MYH15: variants seen among roughly 807,000 people sequenced by gnomAD.
The protein encoded by MYH15 is myosin heavy chain 15.
Under a neutral mutation model 240.5 loss-of-function variants are expected in MYH15, and 227 were observed. The ratio of observed to expected loss-of-function variants is 0.94; its 90% CI spans 0.85 to 1.05. The LOEUF is 1.05. Among genes scored for constraint, MYH15 ranks in the 50% least tolerant of loss-of-function variants. MYH15 has a pLI of 0.00. For synonymous variants in MYH15, 785 were observed against 796.7 expected, an observed-to-expected ratio of 0.99 and a Z score of 0.25; for missense variants, 2,217 against 2,247.5, an observed-to-expected ratio of 0.99 and a Z score of 0.27.
chr3:108,442,410 A>G (rs2082892095), intron 22 of MYH15, among the ~76,000 whole-genome samples: 1 of 152,232 alleles, frequency 6.6e-6, no homozygotes, highest in African/African-American at 2.4e-5. Flanking sequence ...AAGAAGTATC[A>G]GGACATTTAG....
chr3:108,407,759 A>G (rs1419315526), intron 32 of MYH15, among the ~76,000 whole-genome samples: 1 of 152,208 alleles, frequency 6.6e-6, no homozygotes, highest in East Asian at 1.9e-4. Flanking sequence ...AGCTATGAGA[A>G]TATTTATTCA....
chr3:108,494,310 A>G (rs2083375587), intron 7 of MYH15, among the ~76,000 whole-genome samples: 2 of 152,224 alleles, frequency 1.3e-5, no homozygotes, highest in South Asian at 4.1e-4. Context: ...CATATACAGA[A>G]GTATATGTAT....
At chr3:108,448,756 G>GT (rs79868035) in intron 21 of MYH15, among the ~76,000 whole-genome samples, 12,210 of 151,796 alleles carry the variant, frequency 0.08, 1,266 homozygotes, top group East Asian at 0.53. Context: ...ACTCTCAATA[G>GT]TTTTTTTCAA....
chr3:108,439,646 T>C (rs1240629023), intron 24 of MYH15, 91 bp downstream of exon 24: 3 of 1,188,356 alleles, frequency 2.5e-6, no homozygotes, highest in Non-Finnish European at 3.4e-6. Flanking sequence ...TAGGTTTTTC[T>C]GAAACTGTCA....
At chr3:108,480,361 G>T (rs2083257175) in intron 11 of MYH15, among the ~76,000 whole-genome samples, 1 of 152,190 alleles carries the variant, frequency 6.6e-6, no homozygotes, top group Non-Finnish European at 1.5e-5. Flanking sequence ...AACCCAGAGG[G>T]ACTGGACTAC....
At chr3:108,411,021 G>A in intron 30 of MYH15, 89 bp from the exon 31 acceptor site, 1 of 1,149,994 alleles carries the variant, frequency 8.7e-7, no homozygotes. Flanking sequence ...TAGAGCTTGG[G>A]TGCAAAGTAA....
Position 108,408,381 on chromosome 3 carries a change from G to C in MYH15, c.4519C>G (p.Gln1507Glu). 1.2e-6 allele frequency: 2 copies of C among 1,610,938 alleles called. No homozygotes were observed. Among genetic ancestry groups the C allele is most frequent in the South Asian group, 2.2e-5 (2 of 90,480 alleles). Reference protein sequence around the residue: ...LQEEISNLTNQVREGTKNLTE... With the variant: ...LQEEISNLTNEVREGTKNLTE... ...AAGTTCTTGGTCCCTTCTCTAACCTGGTTTGTCAGATTAGAAATCTCTTCT... is the reference window on the plus strand; with the variant it reads ...AAGTTCTTGGTCCCTTCTCTAACCTCGTTTGTCAGATTAGAAATCTCTTCT... Residue 1507 changes from glutamine (Q) to glutamate (E), a missense_variant, in exon 32 of 41, where the codon CAG (glutamine) becomes GAG (glutamate). Coordinates refer to ENST00000693548, the MANE Select transcript of MYH15 (RefSeq NM_014981.3).
chr3:108,394,308 G>A lies in MYH15; in HGVS notation c.5134-152C>T, dbSNP rs560504787. ...TCCCTTAAGCAGTGCTCCCAATCCCGAAAGGCTTTTGCCATCAAACTTGAA... is the reference window on the plus strand; with the variant it reads ...TCCCTTAAGCAGTGCTCCCAATCCCAAAAGGCTTTTGCCATCAAACTTGAA... On this transcript the variant is annotated intron_variant, in intron 35 of 40. Transcript: ENST00000693548. 101 of 990,920 alleles carry A rather than the reference G, an allele frequency of 1.0e-4. 1 individual carries two copies. The Admixed American group carries it at 1.3e-3, about 12-fold the overall frequency. The allele number at this position is 990,920 out of a possible 1,614,324, so 61.4% of individuals were successfully genotyped here.
intron 1 of MYH15, among the ~76,000 whole-genome samples, chr3:108,520,135 C>T (rs2083606317): frequency 6.6e-6 from 1 of 152,072 alleles, no homozygotes; most frequent in Admixed American, 6.6e-5. Flanking sequence ...CTAGCAGGGA[C>T]CAAGACTTGT....
intron 1 of MYH15, among the ~76,000 whole-genome samples, chr3:108,525,510 C>T (rs547203724): frequency 6.6e-6 from 1 of 152,162 alleles, no homozygotes; most frequent in South Asian, 2.1e-4. Context: ...ACATCTGATG[C>T]TTTTAGCAAT....
intron 26 of MYH15, among the ~76,000 whole-genome samples, chr3:108,430,022 T>A (rs2082764982): frequency 6.6e-6 from 1 of 152,330 alleles, no homozygotes; most frequent in African/African-American, 2.4e-5. Flanking sequence ...AGTTTGTGTT[T>A]TTTTACTTTA....
intron 21 of MYH15, among the ~76,000 whole-genome samples, chr3:108,446,887 A>T (rs995931311): frequency 6.6e-6 from 1 of 152,308 alleles, no homozygotes; most frequent in African/African-American, 2.4e-5. Context: ...TAAAAATCCA[A>T]CCTAAATGGA....
intron 14 of MYH15, among the ~76,000 whole-genome samples, chr3:108,468,683 T>C (rs945433131): frequency 1.8e-4 from 28 of 152,216 alleles, no homozygotes; most frequent in African/African-American, 6.8e-4. Context: ...GTGATGCTAG[T>C]GTGTTATTTG....
chr3:108,493,354 G>A (rs1015932723), intron 7 of MYH15, among the ~76,000 whole-genome samples, 177 bp from the exon 8 acceptor site: 3 of 152,032 alleles, frequency 2.0e-5, no homozygotes, highest in Non-Finnish European at 1.5e-5. Flanking sequence ...AATGCAATGT[G>A]GGTTTGAGAT....
chr3:108,529,946 G>A (rs535824403), upstream of MYH15, among the ~76,000 whole-genome samples: 6 of 152,304 alleles, frequency 3.9e-5, no homozygotes, highest in Non-Finnish European at 7.3e-5. Context: ...CTGGGGAACT[G>A]CAGAGGATCC....
intron 27 of MYH15, among the ~76,000 whole-genome samples, chr3:108,426,129 T>G (rs1452362520): frequency 6.7e-6 from 1 of 148,264 alleles, no homozygotes; most frequent in Non-Finnish European, 1.5e-5. Context: ...AAATGTATAA[T>G]CAAAGAGAAG....
chr3:108,531,302 T>A (rs1438373592), upstream of MYH15, among the ~76,000 whole-genome samples: 1 of 152,192 alleles, frequency 6.6e-6, no homozygotes, highest in African/African-American at 2.4e-5. Flanking sequence ...GAGAGTTCTC[T>A]TTCCTTTGAG....
rs1315730279 is a variant in MYH15 at position 108,405,366 on chromosome 3, C to T, written c.4708G>A (p.Glu1570Lys). The T allele has an allele frequency of 6.6e-7, 1 of 1,511,080 alleles. No individual in the cohort carries two copies. Among genetic ancestry groups the T allele is most frequent in the Non-Finnish European group, 9.0e-7 (1 of 1,115,158 alleles). The allele number at this position is 1,511,080 out of a possible 1,614,324, so 93.6% of individuals were successfully genotyped here. ...AAATTTTCTATTTCTTCATCTTTCT[C>T]TGAAAGCTTTCTTTCAAGTTCTGCT... ...AKAELERKLS[E>K]KDEEIENFRR... Residue 1570 changes from glutamate (E) to lysine (K), a missense_variant, in exon 33 of 41, where the codon GAG (glutamate) becomes AAG (lysine). Physicochemically the swap from Glu to Lys is moderately conservative, Grantham distance 56. Transcript: ENST00000693548.
In MYH15 at chr3:108,492,591, C is replaced by A. The variant is rs777677211; in HGVS notation, c.780G>T (p.Leu260Phe). 1.2e-6 allele frequency: 2 copies of A among 1,610,074 alleles called. No individual in the cohort carries two copies. The highest frequency in any genetic ancestry group is 1.1e-5 in the South Asian group (1 of 90,858). ...GGAAAATCACCCTGGACTTTTCAAG[C>A]AAATCTGGATGATGAGAAATGAATA... ...MLSSVDIDIYLLEKSRVIFQQ... is the reference protein window; with the variant it reads ...MLSSVDIDIYFLEKSRVIFQQ... Residue 260 changes from leucine (L) to phenylalanine (F), a missense_variant, in exon 9 of 41, where the codon TTG becomes TTT. Physicochemically the swap from Leu to Phe is conservative, Grantham distance 22. Transcript: ENST00000693548.
Sources: gnomAD v4.1 joint callset for allele counts (sites outside exome capture counted in the v4.1 genomes callset) on GRCh38, gnomAD v4.1.1 for gene constraint, MANE v1.5 for transcripts, NCBI Gene and HGNC (gene_info 2026-07-23, HGNC 2026-07-21) for gene names.